Variants in KHDRBS2 observed in about 807,000 individuals in gnomAD.
KHDRBS2 encodes the protein KH RNA binding domain containing, signal transduction associated 2, also known as KH domain-containing, RNA-binding, signal transduction-associated protein 2.
A neutral mutation model predicts 44.3 loss-of-function variants in KHDRBS2; 26 were observed. The observed-to-expected ratio is 0.59, with a 90% confidence interval of 0.43 to 0.81. The LOEUF is 0.81. Ranked by LOEUF, KHDRBS2 falls within the 40% of genes least tolerant of loss-of-function variation. The pLI, the probability that KHDRBS2 is intolerant of heterozygous loss-of-function variation, is 0.00. For missense variants in KHDRBS2, 476 were observed against 433.1 expected, an observed-to-expected ratio of 1.10 and a Z score of -0.88; for synonymous variants, 194 against 151.1, an observed-to-expected ratio of 1.28 and a Z score of -2.08.
the KHDRBS2 span, among the ~76,000 whole-genome samples, chr6:61,610,936 T>C: frequency 6.6e-6 from 1 of 152,182 alleles, no homozygotes; most frequent in Non-Finnish European, 1.5e-5. Context: ...CTGGAAATAC[T>C]TGGTTGTTGG....
At chr6:62,057,087 A>C (rs1190611522) in intron 2 of KHDRBS2, among the ~76,000 whole-genome samples, 1 of 151,978 alleles carries the variant, frequency 6.6e-6, no homozygotes, top group East Asian at 1.9e-4. Context: ...AAGTGAGAGA[A>C]AGTTGGCTTT....
chr6:61,609,563 C>T, the KHDRBS2 span, among the ~76,000 whole-genome samples: 93,583 of 151,984 alleles, frequency 0.62, 29,031 homozygotes, highest in Non-Finnish European at 0.65. Context: ...ATGTAGACTA[C>T]GGGCTTCATA....
intron 6 of KHDRBS2, among the ~76,000 whole-genome samples, chr6:61,892,261 C>G (rs1172769398): frequency 1.3e-5 from 2 of 152,186 alleles, no homozygotes; most frequent in East Asian, 3.9e-4. Context: ...AGGATACAAA[C>G]AAATGGAAGA....
intron 1 of KHDRBS2, among the ~76,000 whole-genome samples, chr6:62,216,179 C>T (rs567865): frequency 0.18 from 27,948 of 151,472 alleles, 3,160 homozygotes; most frequent in African/African-American, 0.3. Flanking sequence ...TTAGATTTTA[C>T]ATTTAAATTC....
chr6:61,991,566 C>A (rs1332966698), intron 3 of KHDRBS2, among the ~76,000 whole-genome samples: 1 of 152,154 alleles, frequency 6.6e-6, no homozygotes, highest in East Asian at 1.9e-4. Context: ...GTAGATATTG[C>A]CAGAATCACT....
chr6:62,075,385 C>T (rs775110880), intron 2 of KHDRBS2, among the ~76,000 whole-genome samples: 6 of 151,906 alleles, frequency 3.9e-5, no homozygotes, highest in Non-Finnish European at 7.4e-5. Context: ...CCACAACCAA[C>T]AGAACTGTGA....
In KHDRBS2 at chr6:62,019,550, A is replaced by AATT. The variant is rs1271236489; in HGVS notation, c.336+28325_336+28327dup. Among the ~76,000 whole-genome samples, 6 of 152,222 alleles carry AATT rather than the reference A, an allele frequency of 3.9e-5. No individual in the cohort carries two copies. In the East Asian group the frequency reaches 1.2e-3, roughly 29 times the overall value. On this transcript the variant is annotated intron_variant, in intron 3 of 8. Transcript: ENST00000281156. ...TATATCTTCCTTAATTGGCTGGTAG[A>AATT]ATTCACCACTGAAGACATTTGGCAT...
intron 4 of KHDRBS2, among the ~76,000 whole-genome samples, chr6:61,929,080 T>C (rs1035260315): frequency 1.3e-5 from 2 of 152,066 alleles, no homozygotes; most frequent in African/African-American, 4.8e-5. Context: ...CCAAAAAACA[T>C]TCAAATTGGG....
chr6:61,803,440 G>T (rs1218793384), intron 6 of KHDRBS2, among the ~76,000 whole-genome samples: 4 of 152,060 alleles, frequency 2.6e-5, no homozygotes, highest in African/African-American at 7.2e-5. Context: ...TTATATATTT[G>T]TATACTTTCA....
intron 2 of KHDRBS2, among the ~76,000 whole-genome samples, chr6:62,069,177 C>T (rs533353064): frequency 1.3e-5 from 2 of 151,682 alleles, no homozygotes; most frequent in African/African-American, 4.8e-5. Context: ...AACCACTAAG[C>T]CTACTGTTGA....
chr6:62,025,967 G>T (rs1208713302), intron 3 of KHDRBS2, among the ~76,000 whole-genome samples: 3 of 151,982 alleles, frequency 2.0e-5, no homozygotes, highest in Non-Finnish European at 4.4e-5. Context: ...CTCATAGAAT[G>T]AAAAATATTT....
chr6:61,918,366 T>A lies in KHDRBS2; in HGVS notation c.484-16995A>T, dbSNP rs191985194. Among the ~76,000 whole-genome samples the A allele has an allele frequency of 3.7e-3, 565 of 152,014 alleles. 5 individuals carry two copies. Among genetic ancestry groups the A allele is most frequent in the African/African-American group, 0.013 (525 of 41,508 alleles). On this transcript the variant is annotated intron_variant, in intron 4 of 8. Coordinates refer to ENST00000281156, the MANE Select transcript of KHDRBS2 (RefSeq NM_152688.4). ...GGCTGAATTATGTCCCCCTCCCAAATTCAAATGTTAACTAACCACTCATGT... is the reference window on the plus strand; with the variant it reads ...GGCTGAATTATGTCCCCCTCCCAAAATCAAATGTTAACTAACCACTCATGT...
At chr6:61,689,419 C>G (rs1767151027) in intron 8 of KHDRBS2, among the ~76,000 whole-genome samples, 1 of 151,982 alleles carries the variant, frequency 6.6e-6, no homozygotes, top group Non-Finnish European at 1.5e-5. Context: ...TGGAGTCCCC[C>G]AAACTTGTGA....
chr6:62,263,734 C>A (rs1202957050), intron 1 of KHDRBS2, among the ~76,000 whole-genome samples: 1 of 151,728 alleles, frequency 6.6e-6, no homozygotes, highest in Non-Finnish European at 1.5e-5. Flanking sequence ...TTAATTACTA[C>A]TTCATATTCA....
At chr6:62,225,359 G>A (rs992817726) in intron 1 of KHDRBS2, among the ~76,000 whole-genome samples, 18 of 152,010 alleles carry the variant, frequency 1.2e-4, no homozygotes, top group African/African-American at 4.3e-4. Flanking sequence ...TATAAAATTG[G>A]GATATACTTA....
At chr6:62,100,847 C>A (rs1415503492) in intron 2 of KHDRBS2, among the ~76,000 whole-genome samples, 7 of 152,070 alleles carry the variant, frequency 4.6e-5, no homozygotes, top group Non-Finnish European at 1.0e-4. Flanking sequence ...TGGTCTGTAA[C>A]CAAGCCCATA....
At chr6:61,616,868 A>G in the KHDRBS2 span, among the ~76,000 whole-genome samples, 2 of 152,180 alleles carry the variant, frequency 1.3e-5, no homozygotes, top group Non-Finnish European at 2.9e-5. Context: ...ATTTGAAAAT[A>G]TTCAAGAAAA....
At chr6:62,138,772 G>T (rs988349718) in intron 2 of KHDRBS2, among the ~76,000 whole-genome samples, 4 of 151,982 alleles carry the variant, frequency 2.6e-5, no homozygotes, top group Admixed American at 2.6e-4. Context: ...AAAAATTTAA[G>T]GAAAATAAAG....
At chr6:61,930,855 T>C (rs2127366875) in intron 4 of KHDRBS2, among the ~76,000 whole-genome samples, 1 of 152,272 alleles carries the variant, frequency 6.6e-6, no homozygotes, top group East Asian at 1.9e-4. Context: ...TATCAGGCTT[T>C]AGTAGAGCTC....
Sources: allele counts gnomAD v4.1 joint callset (sites outside exome capture counted in the v4.1 genomes callset), GRCh38; gene constraint gnomAD v4.1.1; transcripts MANE v1.5; gene names NCBI Gene and HGNC (gene_info 2026-07-23, HGNC 2026-07-21).